Variants in LRRC4C observed in about 807,000 individuals in gnomAD.
LRRC4C encodes leucine-rich repeat-containing protein 4C.
LRRC4C carries 5 observed loss-of-function variants against 33.6 expected under a neutral mutation model. The ratio of observed to expected loss-of-function variants is 0.15; its 90% confidence interval spans 0.08 to 0.31. LRRC4C has a LOEUF of 0.31. LRRC4C is among the 10% of genes least tolerant of loss of function. LRRC4C has a pLI of 1.00. For missense variants in LRRC4C, 560 were observed against 796.7 expected (o/e 0.70, Z 3.58); for synonymous variants, 329 against 302.0 (o/e 1.09, Z -0.93).
At chr11:40,783,336 C>T (rs2137296809) in intron 2 of LRRC4C, among the ~76,000 whole-genome samples, 1 of 151,932 alleles carries the variant, frequency 6.6e-6, no homozygotes, top group East Asian at 1.9e-4. Flanking sequence ...TGCTCCGTCA[C>T]CCAGGCTGGA....
chr11:40,818,109 A>G (rs1951780111), intron 2 of LRRC4C, among the ~76,000 whole-genome samples: 2 of 152,100 alleles, frequency 1.3e-5, no homozygotes, highest in Non-Finnish European at 2.9e-5. Context: ...ACTATAAAAT[A>G]AGGTTTCTTC....
intron 2 of LRRC4C, among the ~76,000 whole-genome samples, chr11:40,876,543 C>G (rs1954901067): frequency 6.6e-6 from 1 of 152,016 alleles, no homozygotes; most frequent in Non-Finnish European, 1.5e-5. Flanking sequence ...ATATTTCACA[C>G]AAGTAAGCAA....
chr11:40,753,387 C>A, intron 2 of LRRC4C, among the ~76,000 whole-genome samples: 1 of 151,276 alleles, frequency 6.6e-6, no homozygotes, highest in African/African-American at 2.4e-5. Flanking sequence ...GAAATACTCA[C>A]ATGTACCATA....
intron 3 of LRRC4C, among the ~76,000 whole-genome samples, chr11:40,529,916 C>T (rs61625953): frequency 0.087 from 13,286 of 152,012 alleles, 1,629 homozygotes; most frequent in African/African-American, 0.28. Flanking sequence ...ACATGTAAAC[C>T]TATGTAACAA....
At chr11:41,451,177 G>A (rs1050975210) in intron 1 of LRRC4C, among the ~76,000 whole-genome samples, 2 of 152,070 alleles carry the variant, frequency 1.3e-5, no homozygotes, top group East Asian at 1.9e-4. Context: ...TGACACCATC[G>A]AAATGACTAC....
At chr11:40,118,062 T>A (rs1263472813) in intron 6 of LRRC4C, among the ~76,000 whole-genome samples, 1 of 148,744 alleles carries the variant, frequency 6.7e-6, no homozygotes, top group African/African-American at 2.4e-5. Flanking sequence ...ATAGTAGTAA[T>A]CATACTAATC....
At chr11:40,708,653 C>G (rs190842638) in intron 2 of LRRC4C, among the ~76,000 whole-genome samples, 1 of 152,120 alleles carries the variant, frequency 6.6e-6, no homozygotes, top group South Asian at 2.1e-4. Context: ...AATTTTGGAA[C>G]AAGTGCAATG....
At position 40,418,201 on chromosome 11, in the gene LRRC4C, A is replaced by G. The variant is rs185936413; in HGVS notation, c.-269-98480T>C. Among the ~76,000 whole-genome samples the G allele has an allele frequency of 4.6e-5, 7 of 152,312 alleles. No individual in the cohort carries two copies. The East Asian group carries it at 1.4e-3, about 29-fold the overall frequency. On this transcript the variant is annotated intron_variant, in intron 3 of 6. Coordinates refer to ENST00000528697, the MANE Select transcript of LRRC4C (RefSeq NM_001258419.2). ...GAGTGGAAGAAAATTTTTGCAATCT[A>G]TCTATTTATAGAAAGACAAAGGTCT... is the stretch of plus-strand genomic sequence containing the variant.
At chr11:41,308,255 C>T (rs1950555596) in intron 1 of LRRC4C, among the ~76,000 whole-genome samples, 1 of 152,110 alleles carries the variant, frequency 6.6e-6, no homozygotes. Flanking sequence ...TTTTTTCACT[C>T]TGGAGAAAAA....
chr11:40,591,847 A>C (rs900947013), intron 3 of LRRC4C, among the ~76,000 whole-genome samples: 2 of 152,212 alleles, frequency 1.3e-5, no homozygotes, highest in African/African-American at 4.8e-5. Flanking sequence ...GAAGCATCCA[A>C]CTGACTTATA....
At chr11:40,193,269 T>G (rs994179452) in intron 5 of LRRC4C, among the ~76,000 whole-genome samples, 8 of 152,100 alleles carry the variant, frequency 5.3e-5, no homozygotes, top group African/African-American at 1.9e-4. Context: ...CAGGCAGCAA[T>G]CTTTGCTGTT....
intron 2 of LRRC4C, among the ~76,000 whole-genome samples, chr11:40,743,820 T>C (rs1024977167): frequency 3.3e-5 from 5 of 152,132 alleles, no homozygotes; most frequent in Admixed American, 1.3e-4. Flanking sequence ...TTCCCTATTG[T>C]CCTCTTCACT....
rs117570996 is a variant in LRRC4C at position 41,290,319 on chromosome 11, G to C, written c.-496+169112C>G. Among the ~76,000 whole-genome samples, 151 of 152,316 alleles carry C rather than the reference G, an allele frequency of 9.9e-4. 4 individuals carry two copies. In the East Asian group the frequency reaches 0.026, roughly 26 times the overall value. On this transcript the variant is annotated intron_variant, in intron 1 of 6. Coordinates refer to ENST00000528697, the MANE Select transcript of LRRC4C (RefSeq NM_001258419.2). The stretch of plus-strand genomic sequence containing the variant: ...CACTCCTGCCTTTCTATACAAGTTT[G>C]TGGTGCAGGTATCATGCAAGAATAA...
In LRRC4C at chr11:40,822,098, T is replaced by C. The variant is rs1265991090; in HGVS notation, c.-407+111537A>G. The stretch of plus-strand genomic sequence containing the variant: ...TTTACCCTACTGTGCTATTGAACAC[T>C]AGAACTTATTCCTTCAATCTATTTT... On this transcript the variant is annotated intron_variant, in intron 2 of 6. Coordinates refer to ENST00000528697, the MANE Select transcript of LRRC4C (RefSeq NM_001258419.2). Among the ~76,000 whole-genome samples the C allele has an allele frequency of 2.0e-5, 3 of 151,866 alleles. No homozygotes were observed. The East Asian group carries it at 5.8e-4, about 29-fold the overall frequency.
At chr11:41,284,516 A>G (rs1207444692) in intron 1 of LRRC4C, among the ~76,000 whole-genome samples, 1 of 152,164 alleles carries the variant, frequency 6.6e-6, no homozygotes, top group Admixed American at 6.5e-5. Flanking sequence ...TCATCCCATT[A>G]CACATATTGC....
At chr11:40,633,374 TCTCTC>T (rs1963667869) in intron 3 of LRRC4C, among the ~76,000 whole-genome samples, 3 of 36,340 alleles carry the variant, frequency 8.3e-5, no homozygotes, top group African/African-American at 2.8e-4. Flanking sequence ...TCTTTCTTTC[TCTCTC>T]TTTCTTTCTT....
chr11:40,841,154 T>C lies in LRRC4C; in HGVS notation c.-407+92481A>G, dbSNP rs1952894773. ...AAGTTTTTAGAAGTTCTATCATTAA[T>C]TTTGAATTAAATGTGTCTAGTTTAA... is the stretch of plus-strand genomic sequence containing the variant. On this transcript the variant is annotated intron_variant, in intron 2 of 6. Coordinates refer to ENST00000528697, the MANE Select transcript of LRRC4C (RefSeq NM_001258419.2). Among the ~76,000 whole-genome samples, 5 of 152,254 alleles carry C rather than the reference T, an allele frequency of 3.3e-5. No homozygotes were observed. In the South Asian group the frequency reaches 1.0e-3, roughly 32 times the overall value.
At chr11:40,373,985 C>G (rs2137282971) in intron 3 of LRRC4C, among the ~76,000 whole-genome samples, 1 of 152,246 alleles carries the variant, frequency 6.6e-6, no homozygotes, top group South Asian at 2.1e-4. Flanking sequence ...AACACCTTAT[C>G]AAAGATGCTC....
intron 1 of LRRC4C, among the ~76,000 whole-genome samples, chr11:41,335,685 T>G (rs1951430561): frequency 6.6e-6 from 1 of 152,194 alleles, no homozygotes; most frequent in African/African-American, 2.4e-5. Context: ...TCTTGACTCA[T>G]AATAGGTCTG....
Sources: allele counts gnomAD v4.1 joint callset (sites outside exome capture counted in the v4.1 genomes callset), GRCh38; gene constraint gnomAD v4.1.1; transcripts MANE v1.5; gene names NCBI Gene and HGNC (gene_info 2026-07-23, HGNC 2026-07-21).